Variants in GPC6 observed in about 807,000 individuals in gnomAD.
The protein encoded by GPC6 is glypican 6.
Under a neutral mutation model 55.2 loss-of-function variants are expected in GPC6, and 14 were observed. The ratio of observed to expected loss-of-function variants is 0.25; its 90% CI spans 0.17 to 0.40. The LOEUF (loss-of-function observed/expected upper bound fraction) is 0.40. GPC6 is among the 10% of genes least tolerant of loss of function. The pLI is 1.00. For synonymous variants in GPC6, 278 were observed against 259.6 expected, an observed-to-expected ratio of 1.07 and a Z score of -0.68; for missense variants, 641 against 708.5, an observed-to-expected ratio of 0.90 and a Z score of 1.08.
intron 1 of GPC6, among the ~76,000 whole-genome samples, chr13:93,506,372 C>T (rs538177747): frequency 1.3e-5 from 2 of 152,200 alleles, no homozygotes; most frequent in African/African-American, 4.8e-5. Context: ...GTGCTTTATT[C>T]CAGTAAGAAA....
In GPC6 at chr13:93,413,335, C is replaced by G. The variant is rs2139247883; in HGVS notation, c.161-131928C>G. ...GGTTTAATAATCAATATCGCTGCAA[C>G]TGAGTCTATTTAAAAATCTATTTAC... is the stretch of plus-strand genomic sequence containing the variant. On this transcript the variant is annotated intron_variant, in intron 1 of 8. Transcript: ENST00000377047. Among the ~76,000 whole-genome samples the G allele has an allele frequency of 2.0e-5, 3 of 152,222 alleles. No individual in the cohort carries two copies. In the South Asian group the frequency reaches 6.2e-4, roughly 32 times the overall value.
At chr13:93,386,215 A>G (rs554375263) in intron 1 of GPC6, among the ~76,000 whole-genome samples, 2 of 152,218 alleles carry the variant, frequency 1.3e-5, no homozygotes, top group South Asian at 4.1e-4. Flanking sequence ...CGCTATTAAG[A>G]GCTGTCATGG....
At chr13:93,653,298 A>T (rs1165974819) in intron 2 of GPC6, among the ~76,000 whole-genome samples, 2 of 152,216 alleles carry the variant, frequency 1.3e-5, no homozygotes, top group Non-Finnish European at 2.9e-5. Context: ...AGGCTTCTGG[A>T]AGAAATCTTG....
chr13:93,778,057 G>A (rs1178956702), intron 2 of GPC6, among the ~76,000 whole-genome samples: 1 of 152,038 alleles, frequency 6.6e-6, no homozygotes, highest in Non-Finnish European at 1.5e-5. Flanking sequence ...CTAATTGAGG[G>A]CAATTATTGA....
Position 93,717,228 on chromosome 13 carries a change from T to C in GPC6, c.320-112926T>C, listed in dbSNP as rs528612519. On this transcript the variant is annotated intron_variant, in intron 2 of 8. Coordinates refer to ENST00000377047, the MANE Select transcript of GPC6 (RefSeq NM_005708.5). ...TACTTTTTAATGCAGATAGTTCAAC[T>C]TGAGTACTGTAGTTATTCTATAAAT... 3.3e-5 allele frequency among the ~76,000 whole-genome samples: 5 copies of C among 151,834 alleles called. No individual in the cohort carries two copies. In the East Asian group the frequency reaches 5.8e-4, roughly 18 times the overall value.
At chr13:93,643,119 T>C (rs2139588805) in intron 2 of GPC6, among the ~76,000 whole-genome samples, 1 of 152,262 alleles carries the variant, frequency 6.6e-6, no homozygotes, top group Non-Finnish European at 1.5e-5. Context: ...ATTTTACTTT[T>C]GGCTTGTGTA....
intron 1 of GPC6, among the ~76,000 whole-genome samples, chr13:93,447,807 T>C (rs576565359): frequency 7.0e-4 from 107 of 152,338 alleles, no homozygotes; most frequent in African/African-American, 2.5e-3. Context: ...GTTTGTATAA[T>C]AGCTTTTCAT....
At chr13:94,047,177 T>A (rs1302919285) in intron 4 of GPC6, among the ~76,000 whole-genome samples, 1 of 152,050 alleles carries the variant, frequency 6.6e-6, no homozygotes, top group Non-Finnish European at 1.5e-5. Flanking sequence ...TTGGATAATG[T>A]TAAAGGATAG....
intron 3 of GPC6, 134 bp downstream of exon 3, chr13:93,830,679 C>A: frequency 1.4e-6 from 1 of 739,734 alleles, no homozygotes; most frequent in Non-Finnish European, 2.2e-6. Flanking sequence ...TGCTCTTAAT[C>A]AGTTAAATAT....
rs184957152 is a variant in GPC6, at chr13:94,271,227, G to A, written c.878-15122G>A. 9.9e-5 allele frequency among the ~76,000 whole-genome samples: 15 copies of A among 151,578 alleles called. No homozygotes were observed. In the East Asian group the frequency reaches 2.2e-3, roughly 22 times the overall value. ...AGGATGGTCTCGATCTCCTGACCTCGTGATCCACCCGTCTCGACCTCCCAA... is the reference window on the plus strand; with the variant it reads ...AGGATGGTCTCGATCTCCTGACCTCATGATCCACCCGTCTCGACCTCCCAA... On this transcript the variant is annotated intron_variant, in intron 4 of 8. Coordinates refer to ENST00000377047, the MANE Select transcript of GPC6 (RefSeq NM_005708.5).
At chr13:94,380,957 G>A (rs750077080) in intron 6 of GPC6, among the ~76,000 whole-genome samples, 6 of 151,984 alleles carry the variant, frequency 3.9e-5, no homozygotes, top group Non-Finnish European at 5.9e-5. Flanking sequence ...CCTGAGTTTC[G>A]GTTTGTCTGA....
At chr13:93,231,361 G>GTATATATA (rs1229841914) in intron 1 of GPC6, among the ~76,000 whole-genome samples, 2 of 86,212 alleles carry the variant, frequency 2.3e-5, no homozygotes, top group Admixed American at 1.1e-4. Flanking sequence ...ATATATATAC[G>GTATATATA]TATATATATA....
At chr13:94,144,266 A>G (rs1423726619) in intron 4 of GPC6, among the ~76,000 whole-genome samples, 1 of 152,110 alleles carries the variant, frequency 6.6e-6, no homozygotes, top group African/African-American at 2.4e-5. Flanking sequence ...TTAATAAAAG[A>G]GTGAACAGTC....
intron 4 of GPC6, among the ~76,000 whole-genome samples, chr13:94,247,949 A>G (rs1277748027): frequency 2.0e-5 from 3 of 151,988 alleles, no homozygotes; most frequent in Non-Finnish European, 2.9e-5. Context: ...CAGTCCTCCC[A>G]CCTCAGCCTC....
intron 1 of GPC6, among the ~76,000 whole-genome samples, chr13:93,264,466 G>A (rs1385644254): frequency 4.6e-5 from 7 of 152,252 alleles, no homozygotes; most frequent in African/African-American, 1.7e-4. Flanking sequence ...CTGGAGTGCA[G>A]TAGCACAATC....
intron 2 of GPC6, among the ~76,000 whole-genome samples, chr13:93,762,128 A>G (rs1052864727): frequency 1.4e-4 from 22 of 152,226 alleles, no homozygotes; most frequent in African/African-American, 4.8e-4. Flanking sequence ...ATTCTGTGAT[A>G]TTTGTCTTTC....
chr13:93,256,182 A>AG, intron 1 of GPC6, among the ~76,000 whole-genome samples: 1 of 151,984 alleles, frequency 6.6e-6, no homozygotes, highest in East Asian at 1.9e-4. Flanking sequence ...AAAAAAAAAA[A>AG]AAAAAAAGAT....
At chr13:93,946,867 A>G (rs1049244031) in intron 3 of GPC6, among the ~76,000 whole-genome samples, 3 of 152,174 alleles carry the variant, frequency 2.0e-5, no homozygotes, top group Non-Finnish European at 4.4e-5. Flanking sequence ...ACTCTCATCT[A>G]GCACTTCTAA....
intron 6 of GPC6, among the ~76,000 whole-genome samples, chr13:94,323,219 G>A (rs1455620472): frequency 6.6e-6 from 1 of 152,066 alleles, no homozygotes; most frequent in East Asian, 1.9e-4. Flanking sequence ...TTTGCACATG[G>A]CACAGCATAA....
Sources: allele counts gnomAD v4.1 joint callset (sites outside exome capture counted in the v4.1 genomes callset), GRCh38; gene constraint gnomAD v4.1.1; transcripts MANE v1.5; gene names NCBI Gene and HGNC (gene_info 2026-07-23, HGNC 2026-07-21).